The following TMTC2 variants were observed in gnomAD, a reference collection of about 807,000 sequenced individuals.
TMTC2 encodes the protein transmembrane O-mannosyltransferase targeting cadherins 2.
Under a neutral mutation model 82.4 loss-of-function variants are expected in TMTC2, and 43 were observed. The observed-to-expected ratio is 0.52, with a 90% CI of 0.41 to 0.67. TMTC2 has a LOEUF of 0.67. Ranked by LOEUF, TMTC2 falls within the 30% of genes least tolerant of loss-of-function variation. TMTC2 has a pLI of 0.00. For synonymous variants in TMTC2, 408 were observed against 381.9 expected (o/e 1.07, Z -0.80); for missense variants, 919 against 1,012.4 (o/e 0.91, Z 1.25).
chr12:83,061,593 A>G (rs1253066367), intron 10 of TMTC2, among the ~76,000 whole-genome samples, 175 bp from the exon 11 acceptor site: 1 of 151,770 alleles, frequency 6.6e-6, no homozygotes, highest in Non-Finnish European at 1.5e-5. Context: ...AATGCCTTAA[A>G]TACATTAACA....
intron 1 of TMTC2, among the ~76,000 whole-genome samples, chr12:82,819,795 C>T (rs1432441404): frequency 6.6e-5 from 10 of 152,030 alleles, no homozygotes; most frequent in East Asian, 3.9e-4. Flanking sequence ...TGTGAACCAC[C>T]GTGCCCAGCC....
At chr12:82,697,605 C>T (rs549463908) in intron 1 of TMTC2, among the ~76,000 whole-genome samples, 2 of 152,200 alleles carry the variant, frequency 1.3e-5, no homozygotes, top group African/African-American at 4.8e-5. Context: ...TAAGTTGATC[C>T]TATGAGTTTG....
At position 82,932,611 on chromosome 12, in the gene TMTC2, G is replaced by A. The variant is rs563844134; in HGVS notation, c.1598+2066G>A. ...TATTTTATGAAAAAGAATCTTATGA[G>A]TTTAATGTATTCACACATATGTTCT... On this transcript the variant is annotated intron_variant, in intron 4 of 11. Transcript: ENST00000321196. Among the ~76,000 whole-genome samples, 3 of 152,092 alleles carry A rather than the reference G, an allele frequency of 2.0e-5. No homozygotes were observed. The South Asian group carries it at 6.3e-4, about 32-fold the overall frequency.
chr12:82,755,907 A>G (rs1565736523), intron 1 of TMTC2, among the ~76,000 whole-genome samples: 1 of 152,184 alleles, frequency 6.6e-6, no homozygotes, highest in Non-Finnish European at 1.5e-5. Flanking sequence ...AATAGAAATT[A>G]CTAAATATAA....
chr12:82,744,736 C>T (rs1032452547), intron 1 of TMTC2, among the ~76,000 whole-genome samples: 2 of 152,128 alleles, frequency 1.3e-5, no homozygotes, highest in African/African-American at 4.8e-5. Context: ...AATTATGTCA[C>T]GTGTTGACCC....
intron 2 of TMTC2, among the ~76,000 whole-genome samples, chr12:82,890,105 C>T (rs1194598073): frequency 6.6e-6 from 1 of 152,148 alleles, no homozygotes; most frequent in Non-Finnish European, 1.5e-5. Flanking sequence ...TCTGTGAAGT[C>T]TATCTCTTTA....
At chr12:82,991,570 C>A (rs969655699) in intron 8 of TMTC2, among the ~76,000 whole-genome samples, 5 of 152,114 alleles carry the variant, frequency 3.3e-5, no homozygotes, top group African/African-American at 1.2e-4. Flanking sequence ...ATTGTAGCCT[C>A]CATGTTTAAA....
intron 1 of TMTC2, among the ~76,000 whole-genome samples, chr12:82,856,795 A>G (rs1871276891): frequency 6.6e-6 from 1 of 152,160 alleles, no homozygotes; most frequent in Admixed American, 6.5e-5. Context: ...CATTTCAACA[A>G]GGAAGGAAGC....
intron 8 of TMTC2, among the ~76,000 whole-genome samples, chr12:83,011,443 T>C (rs1880454433): frequency 6.6e-6 from 1 of 152,210 alleles, no homozygotes; most frequent in African/African-American, 2.4e-5. Flanking sequence ...GGTCAACATA[T>C]TGTAAGGACT....
chr12:82,903,598 A>G (rs1156839739), intron 3 of TMTC2, among the ~76,000 whole-genome samples: 1 of 152,108 alleles, frequency 6.6e-6, no homozygotes, highest in Non-Finnish European at 1.5e-5. Flanking sequence ...TATTTTTAGT[A>G]GAGACGGGGT....
chr12:82,723,016 TG>T (rs1260430558), intron 1 of TMTC2, among the ~76,000 whole-genome samples: 1 of 152,218 alleles, frequency 6.6e-6, no homozygotes, highest in Non-Finnish European at 1.5e-5. Context: ...AGTTTTTTCA[TG>T]GAAAAATGTC....
intron 1 of TMTC2, among the ~76,000 whole-genome samples, chr12:82,746,466 G>A (rs1291948822): frequency 6.6e-6 from 1 of 152,034 alleles, no homozygotes; most frequent in Non-Finnish European, 1.5e-5. Flanking sequence ...TGTATAATGG[G>A]GTACAAAGAA....
intron 2 of TMTC2, among the ~76,000 whole-genome samples, chr12:82,878,397 C>G (rs1353562215): frequency 6.6e-6 from 1 of 152,132 alleles, no homozygotes; most frequent in Non-Finnish European, 1.5e-5. Flanking sequence ...GATTGGTGAA[C>G]TTTGAGAAAG....
At chr12:82,921,689 A>T (rs1395199283) in intron 3 of TMTC2, among the ~76,000 whole-genome samples, 2 of 152,170 alleles carry the variant, frequency 1.3e-5, no homozygotes, top group East Asian at 3.8e-4. Flanking sequence ...TCAAAATTAG[A>T]TTGGGATTTT....
intron 1 of TMTC2, among the ~76,000 whole-genome samples, chr12:82,830,029 G>A (rs1869663457): frequency 6.6e-6 from 1 of 152,122 alleles, no homozygotes; most frequent in South Asian, 2.1e-4. Context: ...GAATATTAAA[G>A]GTTTTCCTTT....
At chr12:82,973,019 G>T (rs1878515601) in intron 7 of TMTC2, among the ~76,000 whole-genome samples, 2 of 152,116 alleles carry the variant, frequency 1.3e-5, no homozygotes, top group South Asian at 4.1e-4. Context: ...TTCTTAAGTG[G>T]ATTGCTCAAG....
chr12:83,050,084 T>C (rs762711436), intron 9 of TMTC2, among the ~76,000 whole-genome samples: 44 of 152,188 alleles, frequency 2.9e-4, no homozygotes, highest in Non-Finnish European at 4.3e-4. Context: ...CAGGAAGAGA[T>C]AATAATTATA....
chr12:82,995,011 C>T (rs1879552777), intron 8 of TMTC2, among the ~76,000 whole-genome samples: 4 of 151,696 alleles, frequency 2.6e-5, no homozygotes, highest in Admixed American at 2.0e-4. Context: ...TCATAGCTTC[C>T]AGCTTGTTAT....
At chr12:82,919,926 T>C (rs770998345) in intron 3 of TMTC2, among the ~76,000 whole-genome samples, 7 of 152,182 alleles carry the variant, frequency 4.6e-5, no homozygotes, top group Non-Finnish European at 8.8e-5. Flanking sequence ...AGTTCTGTGG[T>C]CTTCTGAGCC....
Sources: gnomAD v4.1 joint callset for allele counts (sites outside exome capture counted in the v4.1 genomes callset) on GRCh38, gnomAD v4.1.1 for gene constraint, MANE v1.5 for transcripts, NCBI Gene and HGNC (gene_info 2026-07-23, HGNC 2026-07-21) for gene names.